The following BTBD8 variants were observed in gnomAD, a reference collection of about 807,000 sequenced individuals.
BTBD8 encodes BTB domain containing 8, also known as BTB/POZ domain-containing protein 8.
In BTBD8, 110 loss-of-function variants were observed where a neutral mutation model predicts 162.9. The observed-to-expected ratio is 0.68, with a 90% CI of 0.58 to 0.79. The LOEUF (loss-of-function observed/expected upper bound fraction) is 0.79. Ranked by LOEUF, BTBD8 falls within the 30% of genes least tolerant of loss-of-function variation. The pLI is 0.00. For missense variants in BTBD8, 1,905 were observed against 2,085.4 expected, an observed-to-expected ratio of 0.91 and a Z score of 1.68; for synonymous variants, 667 against 716.1, an observed-to-expected ratio of 0.93 and a Z score of 1.10.
At chr1:92,139,010 G>A (rs1005636823) in intron 5 of BTBD8, among the ~76,000 whole-genome samples, 1 of 152,166 alleles carries the variant, frequency 6.6e-6, no homozygotes, top group Non-Finnish European at 1.5e-5. Context: ...AAGACCAGAG[G>A]GCGTTTGTTG....
At chr1:92,142,989 A>G (rs1311101341) in intron 7 of BTBD8, among the ~76,000 whole-genome samples, 1 of 152,220 alleles carries the variant, frequency 6.6e-6, no homozygotes, top group Non-Finnish European at 1.5e-5. Flanking sequence ...TCACATCTCA[A>G]CCATAAATCT....
In BTBD8 at chr1:92,171,450, G is replaced by A. The variant is rs1206548098; in HGVS notation, c.1625G>A (p.Ser542Asn). 5.3e-6 allele frequency: 8 copies of A among 1,521,886 alleles called. No homozygotes were observed. Among genetic ancestry groups the A allele is most frequent in the African/African-American group, 1.4e-5 (1 of 72,324 alleles). The allele number at this position is 1,521,886 out of a possible 1,614,324, so 94.3% of individuals were successfully genotyped here. The stretch of plus-strand genomic sequence containing the variant: ...AGACTTGGCAAAAAGCCTATATTCA[G>A]TAGCTCGCAGGTAAACTTTCTAAAT... ...DRRLGKKPIF[S>N]SSQQRKQVSD... is the part of the protein sequence containing the mutation. Residue 542 changes from serine (S) to asparagine (N), a missense_variant, in exon 13 of 18, where the codon AGT becomes AAT. Physicochemically the swap from Ser to Asn is conservative, Grantham distance 46. This residue lies in a region of BTBD8 where 1,374 missense variants were observed against 1,442.7 expected (regional missense o/e 0.95). Transcript: ENST00000636805.
At chr1:92,152,586 G>C (rs1356702802) in intron 9 of BTBD8, among the ~76,000 whole-genome samples, 5 of 152,110 alleles carry the variant, frequency 3.3e-5, no homozygotes, top group Admixed American at 3.3e-4. Flanking sequence ...ACTGGAATGA[G>C]AGAAGATGAG....
intron 7 of BTBD8, among the ~76,000 whole-genome samples, chr1:92,142,020 C>G (rs985425012): frequency 2.0e-5 from 3 of 152,194 alleles, no homozygotes; most frequent in Admixed American, 6.5e-5. Flanking sequence ...TACCTCCCTA[C>G]AAGTTGTAGC....
chr1:92,089,671 T>C (rs1254936910), intron 2 of BTBD8, among the ~76,000 whole-genome samples: 2 of 152,144 alleles, frequency 1.3e-5, no homozygotes. Flanking sequence ...ACAAACTTTC[T>C]TGGGTCTTTT....
At chr1:92,148,656 C>T (rs1416094204) in intron 9 of BTBD8, among the ~76,000 whole-genome samples, 1 of 152,226 alleles carries the variant, frequency 6.6e-6, no homozygotes, top group African/African-American at 2.4e-5. Flanking sequence ...ACAATTACTC[C>T]TAGTGATTCA....
rs2128647 is a variant in BTBD8, at chr1:92,177,871, A to G, written c.2414A>G (p.His805Arg). 4.6e-4 allele frequency: 715 copies of G among 1,537,708 alleles called. 1 individual carries two copies. The African/African-American group carries it at 8.6e-3, about 19-fold the overall frequency. ...TNGTSNKKSI[H>R]EQDTNVNNSV... ...GGAACTTCCAATAAAAAAAGTATTC[A>G]TGAACAAGACACTAATGTAAATAAC... is the stretch of plus-strand genomic sequence containing the variant. Residue 805 changes from histidine to arginine, a missense_variant, in exon 15 of 18, where the codon CAT (histidine) becomes CGT (arginine). His to Arg is a conservative substitution (Grantham distance 29, BLOSUM62 0). Around this residue, in one of 3 missense-constraint regions of BTBD8, gnomAD observed 1,374 missense variants for 1,442.7 expected, o/e 0.95. Transcript: ENST00000636805.
At chr1:92,161,005 A>T (rs1650261229) in intron 9 of BTBD8, among the ~76,000 whole-genome samples, 1 of 152,152 alleles carries the variant, frequency 6.6e-6, no homozygotes, top group African/African-American at 2.4e-5. Context: ...TTCCCCAGGG[A>T]GAAGCTGGGA....
At chr1:92,110,960 T>C (rs920878564) in intron 4 of BTBD8, among the ~76,000 whole-genome samples, 2 of 152,156 alleles carry the variant, frequency 1.3e-5, no homozygotes, top group Non-Finnish European at 2.9e-5. Context: ...AATTCTCTTA[T>C]GCTGCCTCGT....
chr1:92,166,790 A>C (rs1407446642), intron 9 of BTBD8, among the ~76,000 whole-genome samples, 168 bp from the exon 10 acceptor site: 3 of 152,154 alleles, frequency 2.0e-5, no homozygotes, highest in Non-Finnish European at 2.9e-5. Flanking sequence ...AATAATTCTG[A>C]ATTAATGAAT....
chr1:92,163,081 G>A lies in BTBD8; in HGVS notation c.1123-3877G>A, dbSNP rs367726137. Among the ~76,000 whole-genome samples, 122 of 152,064 alleles carry A rather than the reference G, an allele frequency of 8.0e-4. 1 individual carries two copies. Among genetic ancestry groups the A allele is most frequent in the South Asian group, 4.4e-3 (21 of 4,818 alleles). On this transcript the variant is annotated intron_variant, in intron 9 of 17. Transcript: ENST00000636805. ...TAAAAGGCAAGATACAGGGCCAGGC[G>A]CGGTGGCTCATGCCTGTAATCCCAG...
chr1:92,157,013 TA>T (rs1171455335), intron 9 of BTBD8, among the ~76,000 whole-genome samples: 11 of 151,960 alleles, frequency 7.2e-5, no homozygotes, highest in Non-Finnish European at 1.3e-4. Context: ...AGGTATAATA[TA>T]AAGTTTTTTT....
chr1:92,142,551 C>T (rs1649802994), intron 7 of BTBD8, among the ~76,000 whole-genome samples: 2 of 152,162 alleles, frequency 1.3e-5, no homozygotes, highest in African/African-American at 4.8e-5. Flanking sequence ...CAAAACCAGC[C>T]TTGGTGTAAG....
intron 4 of BTBD8, chr1:92,125,946 G>GGAAC (rs562718074): frequency 6.5e-4 from 290 of 449,472 alleles, no homozygotes; most frequent in African/African-American, 5.5e-3. Flanking sequence ...TTTGATTTAT[G>GGAAC]GAACACCTAG....
intron 9 of BTBD8, among the ~76,000 whole-genome samples, chr1:92,157,335 T>C (rs1435287677): frequency 6.6e-6 from 1 of 152,196 alleles, no homozygotes; most frequent in African/African-American, 2.4e-5. Context: ...CCGAACATGA[T>C]AGATTCTGGA....
chr1:92,102,151 A>G (rs1214273093), intron 2 of BTBD8, among the ~76,000 whole-genome samples: 3 of 152,074 alleles, frequency 2.0e-5, no homozygotes, highest in African/African-American at 4.8e-5. Flanking sequence ...CCTCCCAAGC[A>G]GCTTACAGAC....
In BTBD8 at chr1:92,177,399, T is replaced by C; in HGVS notation, c.2206T>C (p.Phe736Leu). 1 of 1,551,752 alleles carries C rather than the reference T, an allele frequency of 6.4e-7. No homozygotes were observed. The highest frequency in any genetic ancestry group is 8.7e-7 in the Non-Finnish European group (1 of 1,147,008). ...SSRSTDSSME[F>L]SISTECLDEP... ...CAGATCCACAGATTCAAGTATGGAA[T>C]TCTCAATTTCCACTGAATGTCTGGA... Residue 736 changes from phenylalanine to leucine, a missense_variant, in exon 14 of 18, where the codon TTC becomes CTC. Transcript: ENST00000636805.
At position 92,168,904 on chromosome 1, in the gene BTBD8, G is replaced by A. The variant is rs770603621; in HGVS notation, c.1482G>A (p.Leu494=). Residue 494 remains leucine (L), a synonymous_variant, in exon 12 of 18, where the codon CTG becomes CTA. Coordinates refer to ENST00000636805, the MANE Select transcript of BTBD8 (RefSeq NM_001376131.1). ...AGATCCAGGCTCTGCGTGATAAGCT[G>A]TGGATCTTCCTGGTTCAGTCTTTCT... ...TCKIQALRDK[L]WIFLVQSFYA... is the part of the protein sequence containing the mutation. The A allele has an allele frequency of 1.0e-5, 16 of 1,544,730 alleles. No homozygotes were observed. Among genetic ancestry groups the A allele is most frequent in the Non-Finnish European group, 1.3e-5 (15 of 1,141,752 alleles).
intron 3 of BTBD8, among the ~76,000 whole-genome samples, chr1:92,106,435 C>A (rs2101906224): frequency 6.6e-6 from 1 of 151,888 alleles, no homozygotes; most frequent in South Asian, 2.1e-4. Flanking sequence ...CTGAGGCGGG[C>A]AGATCACGAG....
Sources: allele counts gnomAD v4.1 joint callset (sites outside exome capture counted in the v4.1 genomes callset), GRCh38; gene constraint gnomAD v4.1.1; regional missense constraint gnomAD v4.1.1; transcripts MANE v1.5; gene names NCBI Gene and HGNC (gene_info 2026-07-23, HGNC 2026-07-21).